Variants in CSNK2A1 observed in about 807,000 individuals in gnomAD.
CSNK2A1 encodes casein kinase II subunit alpha.
Under a neutral mutation model 62.9 loss-of-function variants are expected in CSNK2A1, and 10 were observed. The ratio of observed to expected loss-of-function variants is 0.16; its 90% confidence interval spans 0.10 to 0.27. CSNK2A1 has a LOEUF of 0.27. CSNK2A1 is among the 10% of genes least tolerant of loss of function. CSNK2A1 has a pLI of 1.00. For missense variants in CSNK2A1, 160 were observed against 492.0 expected (o/e 0.33, Z 6.38); for synonymous variants, 124 against 167.8 (o/e 0.74, Z 2.02).
intron 2 of CSNK2A1, among the ~76,000 whole-genome samples, chr20:509,723 G>A (rs558939370): frequency 2.3e-3 from 346 of 152,150 alleles, no homozygotes; most frequent in African/African-American, 7.4e-3. Flanking sequence ...CTACAGGCAC[G>A]CACCACCACC....
intron 2 of CSNK2A1, among the ~76,000 whole-genome samples, chr20:524,309 G>T: frequency 6.6e-6 from 1 of 151,160 alleles, no homozygotes; most frequent in African/African-American, 2.4e-5. Flanking sequence ...TGTAGTCCCA[G>T]CTGCTCTTAG....
chr20:533,471 C>T (rs1450455685), intron 1 of CSNK2A1, among the ~76,000 whole-genome samples: 2 of 152,122 alleles, frequency 1.3e-5, no homozygotes. Flanking sequence ...GGTGTGGTGG[C>T]ACACACCTGT....
intron 1 of CSNK2A1, among the ~76,000 whole-genome samples, chr20:534,032 T>C (rs945655244): frequency 3.3e-5 from 5 of 152,376 alleles, no homozygotes; most frequent in Admixed American, 6.5e-5. Context: ...TCATTTGGGA[T>C]ATACAGTAAT....
intron 7 of CSNK2A1, 50 bp from the exon 8 acceptor site, chr20:495,852 G>C: frequency 6.7e-7 from 1 of 1,502,086 alleles, no homozygotes; most frequent in Non-Finnish European, 9.3e-7. Context: ...ATACGTAAGA[G>C]TCCTTTACTT....
chr20:485,114 A>ATATATATATATATATAT (rs2018065076), intron 13 of CSNK2A1, among the ~76,000 whole-genome samples: 1 of 46,004 alleles, frequency 2.2e-5, no homozygotes, highest in African/African-American at 8.8e-5. Flanking sequence ...AAAAAAATAT[A>ATATATATATATATATAT]TATATATATA....
rs1180819213 is a variant in CSNK2A1, at chr20:474,514, A to G, written c.*9447T>C. The G allele has an allele frequency of 6.6e-6, 1 of 152,210 alleles. No individual in the cohort carries two copies. The highest frequency in any genetic ancestry group is 6.5e-5 in the Admixed American group (1 of 15,290). The allele number at this position is 152,210 out of a possible 1,614,324, so 9.4% of individuals were successfully genotyped here. A position where few individuals can be genotyped will look rare whatever the true frequency, so the allele number is the denominator to read the frequency against. ...GAGGAAGTGGATGCATTCAAGATAA[A>G]TATCCATTTATTAAAAGTAGTTGCT... is the stretch of plus-strand genomic sequence containing the variant. On this transcript the variant is annotated 3_prime_UTR_variant, in exon 14 of 14. Coordinates refer to ENST00000217244, the MANE Select transcript of CSNK2A1 (RefSeq NM_177559.3).
At chr20:507,772 A>T (rs1240887607) in intron 3 of CSNK2A1, 1 of 152,222 alleles carries the variant, frequency 6.6e-6, no homozygotes, top group Non-Finnish European at 1.5e-5. Flanking sequence ...GGTGTTTTCA[A>T]AGTCTCTCAA....
chr20:490,152 C>T (rs1375989247), intron 9 of CSNK2A1, among the ~76,000 whole-genome samples: 3 of 150,156 alleles, frequency 2.0e-5, no homozygotes, highest in Non-Finnish European at 4.4e-5. Flanking sequence ...CTGCCTCAGC[C>T]TCCTGACTAG....
At chr20:484,842 G>A (rs541074302) in intron 13 of CSNK2A1, among the ~76,000 whole-genome samples, 3 of 151,424 alleles carry the variant, frequency 2.0e-5, no homozygotes, top group Non-Finnish European at 2.9e-5. Context: ...CAAGTTGGGC[G>A]GATCACCTGA....
intron 9 of CSNK2A1, among the ~76,000 whole-genome samples, chr20:490,353 G>GTTTTTTTTTTT (rs373775413): frequency 8.6e-4 from 46 of 53,384 alleles, no homozygotes; most frequent in African/African-American, 3.6e-3. Flanking sequence ...TTTTTTTTTA[G>GTTTTTTTTTTT]TTTTTTTTTT....
chr20:503,799 ATTATAG>A (rs2018518008), intron 4 of CSNK2A1: 1 of 397,606 alleles, frequency 2.5e-6, no homozygotes, highest in African/African-American at 2.1e-5. Context: ...ACAGTAACAA[ATTATAG>A]TTATATAAGA....
At chr20:507,821 T>C (rs1258902872) in intron 3 of CSNK2A1, 1 of 152,214 alleles carries the variant, frequency 6.6e-6, no homozygotes, top group African/African-American at 2.4e-5. Context: ...CTTGGCTTGA[T>C]AAGCAAGCTG....
At chr20:539,967 G>C (rs1424046237) in intron 1 of CSNK2A1, 1 of 152,166 alleles carries the variant, frequency 6.6e-6, no homozygotes, top group Non-Finnish European at 1.5e-5. Flanking sequence ...AAAGAAAACA[G>C]AGCCTCCGGT....
intron 13 of CSNK2A1, among the ~76,000 whole-genome samples, chr20:485,105 A>G (rs1280595315): frequency 9.4e-5 from 2 of 21,304 alleles, no homozygotes; most frequent in Admixed American, 7.2e-4. Flanking sequence ...AAAAAAAAAA[A>G]AAAAATATAT....
intron 9 of CSNK2A1, among the ~76,000 whole-genome samples, chr20:490,990 C>T (rs1297796029): frequency 6.7e-6 from 1 of 150,136 alleles, no homozygotes; most frequent in Non-Finnish European, 1.5e-5. Flanking sequence ...AGAATTCAAT[C>T]TTTAATTTTC....
chr20:491,010 GAC>G (rs2018223107), intron 9 of CSNK2A1, among the ~76,000 whole-genome samples: 1 of 151,328 alleles, frequency 6.6e-6, no homozygotes, highest in Admixed American at 6.6e-5. Context: ...CCTATAATAG[GAC>G]AGTGTTCTGT....
chr20:499,859 G>T lies in CSNK2A1; in HGVS notation c.289C>A (p.Leu97Met), dbSNP rs138635633. The T allele has an allele frequency of 2.7e-5, 44 of 1,613,588 alleles. No individual in the cohort carries two copies. The highest frequency in any genetic ancestry group is 3.6e-5 in the Non-Finnish European group (43 of 1,179,934). ...NLRGGPNIITLADIVKDPVSR... is the reference protein window; with the variant it reads ...NLRGGPNIITMADIVKDPVSR... Reference sequence around the variant, plus strand: ...ACAGGGTCTTTTACAATGTCTGCCAGTGTGATGATGTTGGGACCTCCTCTC... The same window carrying T: ...ACAGGGTCTTTTACAATGTCTGCCATTGTGATGATGTTGGGACCTCCTCTC... Residue 97 changes from leucine (L) to methionine (M), a missense_variant, in exon 5 of 14, where the codon CTG becomes ATG. Around this residue, in one of 3 missense-constraint regions of CSNK2A1, gnomAD observed 94 missense variants for 357.6 expected, o/e 0.26. Coordinates refer to ENST00000217244, the MANE Select transcript of CSNK2A1 (RefSeq NM_177559.3). The surrounding 1 kb of genome is among the most constrained non-coding windows in gnomAD (Gnocchi z 4.2).
intron 2 of CSNK2A1, among the ~76,000 whole-genome samples, chr20:524,138 T>C (rs985886921): frequency 6.6e-6 from 1 of 151,368 alleles, no homozygotes; most frequent in African/African-American, 2.4e-5. Context: ...AAGAGATACA[T>C]CTAGGCCGGG....
In CSNK2A1 at chr20:478,204, T is replaced by C. The variant is rs1420875980; in HGVS notation, c.*5757A>G. 1 of 152,990 alleles carries C rather than the reference T, an allele frequency of 6.5e-6. No individual in the cohort carries two copies. The highest frequency in any genetic ancestry group is 2.4e-5 in the African/African-American group (1 of 41,424). 9.5% of individuals were successfully genotyped at this position (152,990 alleles called of 1,614,324 possible). On this transcript the variant is annotated 3_prime_UTR_variant, in exon 14 of 14. Coordinates refer to ENST00000217244, the MANE Select transcript of CSNK2A1 (RefSeq NM_177559.3). ...CATCCTATATTACAGAAATGAACTT[T>C]GGAAAGACCAGTCAGCGTGGGTGGG... is the stretch of plus-strand genomic sequence containing the variant.
Sources: allele counts gnomAD v4.1 joint callset (sites outside exome capture counted in the v4.1 genomes callset), GRCh38; gene constraint gnomAD v4.1.1; regional missense constraint gnomAD v4.1.1; non-coding constraint Gnocchi (gnomAD v3.1); transcripts MANE v1.5; gene names NCBI Gene and HGNC (gene_info 2026-07-23, HGNC 2026-07-21).